The following CDH4 variants were observed in gnomAD, a reference collection of about 807,000 sequenced individuals.
CDH4 encodes the protein cadherin-4.
In CDH4, 33 loss-of-function variants were observed where a neutral mutation model predicts 86.0. The observed-to-expected ratio is 0.38, with a 90% confidence interval of 0.29 to 0.51. The LOEUF is 0.51. CDH4 is among the 20% of genes least tolerant of loss of function. The pLI is 0.86. For missense variants in CDH4, 1,114 were observed against 1,307.4 expected, an observed-to-expected ratio of 0.85 and a Z score of 2.28; for synonymous variants, 555 against 549.4, an observed-to-expected ratio of 1.01 and a Z score of -0.14.
intron 4 of CDH4, among the ~76,000 whole-genome samples, chr20:61,822,842 A>G (rs879528835): frequency 2.6e-5 from 4 of 152,204 alleles, no homozygotes; most frequent in African/African-American, 7.2e-5. Context: ...CGGCCACAAC[A>G]GGGCATGCCT....
intron 2 of CDH4, among the ~76,000 whole-genome samples, chr20:61,478,307 G>A (rs1434541331): frequency 6.6e-6 from 1 of 152,158 alleles, no homozygotes; most frequent in African/African-American, 2.4e-5. Context: ...CAGGAGGCCC[G>A]TCTCTAGCAG....
chr20:61,699,424 C>CAGCTGCCCCTCTCCACAGCT (rs2087750226), intron 2 of CDH4, among the ~76,000 whole-genome samples: 3 of 152,238 alleles, frequency 2.0e-5, no homozygotes. Context: ...CGGGCACAGC[C>CAGCTGCCCCTCTCCACAGCT]AGCTGCCCCT....
intron 4 of CDH4, among the ~76,000 whole-genome samples, chr20:61,783,037 A>T (rs193259676): frequency 2.8e-4 from 43 of 152,356 alleles, no homozygotes; most frequent in Admixed American, 4.6e-4. Flanking sequence ...GTGAGCCAAG[A>T]TCATGCCACT....
At chr20:61,651,641 C>T (rs1006864809) in intron 2 of CDH4, among the ~76,000 whole-genome samples, 4 of 152,176 alleles carry the variant, frequency 2.6e-5, no homozygotes, top group Admixed American at 1.3e-4. Flanking sequence ...AGGTGGCCAT[C>T]GGGGGCCATC....
intron 2 of CDH4, among the ~76,000 whole-genome samples, chr20:61,443,946 G>C (rs111073632): frequency 1.4e-4 from 13 of 93,836 alleles, no homozygotes; most frequent in African/African-American, 2.0e-4. Context: ...GTGGATATCT[G>C]TGTGTGTGTC....
intron 2 of CDH4, among the ~76,000 whole-genome samples, chr20:61,567,164 C>G (rs2086304470): frequency 6.6e-6 from 1 of 152,206 alleles, no homozygotes; most frequent in Non-Finnish European, 1.5e-5. Flanking sequence ...TCAAATTGCA[C>G]AGAAAATTCC....
At chr20:61,538,699 C>A (rs1299706749) in intron 2 of CDH4, among the ~76,000 whole-genome samples, 1 of 152,196 alleles carries the variant, frequency 6.6e-6, no homozygotes. Flanking sequence ...GTGGATGGGA[C>A]ACTTGCTCCC....
chr20:61,462,972 T>TC (rs1568854002), intron 2 of CDH4, among the ~76,000 whole-genome samples: 2 of 152,094 alleles, frequency 1.3e-5, no homozygotes, highest in Non-Finnish European at 2.9e-5. Context: ...TTGTAATAAT[T>TC]CCCCATGTGT....
At position 61,642,631 on chromosome 20, in the gene CDH4, G is replaced by T. The variant is rs2087022753; in HGVS notation, c.170-100932G>T. Among the ~76,000 whole-genome samples, 2 of 152,212 alleles carry T rather than the reference G, an allele frequency of 1.3e-5. 1 individual carries two copies. Among genetic ancestry groups the T allele is most frequent in the South Asian group, 4.1e-4 (2 of 4,836 alleles). On this transcript the variant is annotated intron_variant, in intron 2 of 15. Coordinates refer to ENST00000614565, the MANE Select transcript of CDH4 (RefSeq NM_001794.5). Reference sequence around the variant, plus strand: ...TGAAGGCAGAAATAAAAGTCCTCTTGCTTTTGTTTCCTATTGTGCTGTAAC... The same window carrying T: ...TGAAGGCAGAAATAAAAGTCCTCTTTCTTTTGTTTCCTATTGTGCTGTAAC...
At chr20:61,461,205 A>T (rs2085440091) in intron 2 of CDH4, among the ~76,000 whole-genome samples, 1 of 152,138 alleles carries the variant, frequency 6.6e-6, no homozygotes, top group Non-Finnish European at 1.5e-5. Flanking sequence ...TTTAAAAAAA[A>T]TGCAAAATCC....
chr20:61,883,324 G>T (rs986406911), intron 7 of CDH4, among the ~76,000 whole-genome samples: 1 of 152,176 alleles, frequency 6.6e-6, no homozygotes, highest in Non-Finnish European at 1.5e-5. Flanking sequence ...GCTATTTGCT[G>T]TCGGTCTCCT....
At chr20:61,629,387 T>C (rs2086862974) in intron 2 of CDH4, among the ~76,000 whole-genome samples, 1 of 115,990 alleles carries the variant, frequency 8.6e-6, no homozygotes, top group Admixed American at 8.5e-5. Flanking sequence ...ATGCCAGAAA[T>C]GAAATAAAAA....
chr20:61,289,093 C>T (rs370074292), intron 2 of CDH4, among the ~76,000 whole-genome samples: 14 of 152,228 alleles, frequency 9.2e-5, no homozygotes, highest in East Asian at 3.8e-4. Flanking sequence ...TAAGGCCAAA[C>T]GTACCATTTG....
At chr20:61,828,577 T>G (rs760655733) in intron 4 of CDH4, among the ~76,000 whole-genome samples, 2 of 152,200 alleles carry the variant, frequency 1.3e-5, no homozygotes, top group African/African-American at 2.4e-5. Context: ...ATCGACTTCT[T>G]GCTCAGAGGT....
At chr20:61,358,804 G>C (rs2084767758) in intron 2 of CDH4, among the ~76,000 whole-genome samples, 1 of 152,174 alleles carries the variant, frequency 6.6e-6, no homozygotes, top group Non-Finnish European at 1.5e-5. Context: ...CTTTAATGCG[G>C]GGGGGAAGGA....
intron 2 of CDH4, among the ~76,000 whole-genome samples, chr20:61,727,339 G>A (rs2088127651): frequency 6.6e-6 from 1 of 151,364 alleles, no homozygotes; most frequent in South Asian, 2.1e-4. Context: ...CATCATCGGT[G>A]CCTTCATCAC....
Position 61,848,275 on chromosome 20 carries a change from G to A in CDH4, c.732+3452G>A, listed in dbSNP as rs1244500339. Among the ~76,000 whole-genome samples, 5 of 152,200 alleles carry A rather than the reference G, an allele frequency of 3.3e-5. No homozygotes were observed. The East Asian group carries it at 7.7e-4, about 24-fold the overall frequency. On this transcript the variant is annotated intron_variant, in intron 5 of 15. Transcript: ENST00000614565. ...GAGGGAGCCCAGGGCGGTGGGGGTG[G>A]GGCTGCTGGTGAAAGGTCAGGCCCA... is the stretch of plus-strand genomic sequence containing the variant.
chr20:61,479,714 TG>T (rs1325160585), intron 2 of CDH4, among the ~76,000 whole-genome samples: 5 of 152,228 alleles, frequency 3.3e-5, no homozygotes, highest in African/African-American at 1.2e-4. Context: ...TGGGGTTTGC[TG>T]AGCTTCTTGG....
rs553384068 is a variant in CDH4 at position 61,563,544 on chromosome 20, G to C, written c.170-180019G>C. ...TGCAGGGTGGTAGCTGCTGCTCCAG[G>C]GGCTGCCCCCTCACCAGCATTCCAT... On this transcript the variant is annotated intron_variant, in intron 2 of 15. Coordinates refer to ENST00000614565, the MANE Select transcript of CDH4 (RefSeq NM_001794.5). 3.9e-5 allele frequency among the ~76,000 whole-genome samples: 6 copies of C among 152,282 alleles called. No homozygotes were observed. The East Asian group carries it at 1.2e-3, about 30-fold the overall frequency.
Sources: gnomAD v4.1 joint callset for allele counts (sites outside exome capture counted in the v4.1 genomes callset) on GRCh38, gnomAD v4.1.1 for gene constraint, MANE v1.5 for transcripts, NCBI Gene and HGNC (gene_info 2026-07-23, HGNC 2026-07-21) for gene names.